Variants in CNTLN observed in about 807,000 individuals in gnomAD.
CNTLN encodes centlein.
A neutral mutation model predicts 180.0 loss-of-function variants in CNTLN; 212 were observed. The observed-to-expected ratio is 1.18, with a 90% CI of 1.05 to 1.32. The LOEUF (loss-of-function observed/expected upper bound fraction) is 1.32, where lower values mean the gene tolerates loss of function less well. Among genes scored for constraint, CNTLN ranks in the 40% most tolerant of loss-of-function variants. CNTLN has a pLI of 0.00. For missense variants in CNTLN, 2,095 were observed against 1,610.9 expected (o/e 1.30, Z -5.14); for synonymous variants, 722 against 563.1 (o/e 1.28, Z -3.99).
At chr9:17,519,770 T>A in the CNTLN span, among the ~76,000 whole-genome samples, 1 of 152,234 alleles carries the variant, frequency 6.6e-6, no homozygotes, top group Non-Finnish European at 1.5e-5. Context: ...AATTTTAACA[T>A]GCAGAGAGGA....
intron 12 of CNTLN, among the ~76,000 whole-genome samples, chr9:17,352,379 C>G (rs1180322559): frequency 7.1e-6 from 1 of 141,494 alleles, no homozygotes; most frequent in South Asian, 2.2e-4. Context: ...TCCCAATCTT[C>G]TCAAGCTAGA....
At chr9:17,250,938 T>C (rs1430632966) in intron 5 of CNTLN, among the ~76,000 whole-genome samples, 3 of 152,098 alleles carry the variant, frequency 2.0e-5, no homozygotes, top group African/African-American at 7.2e-5. Context: ...GTAGTGCATC[T>C]GAAGTGGTAA....
intron 12 of CNTLN, among the ~76,000 whole-genome samples, chr9:17,355,337 A>G (rs1042645209): frequency 2.0e-5 from 3 of 152,122 alleles, no homozygotes; most frequent in Non-Finnish European, 2.9e-5. Context: ...AGTTCTTTAC[A>G]TATTCTAGAT....
At chr9:17,322,598 T>C (rs1819993551) in intron 8 of CNTLN, among the ~76,000 whole-genome samples, 1 of 152,026 alleles carries the variant, frequency 6.6e-6, no homozygotes, top group Admixed American at 6.5e-5. Flanking sequence ...GTAATAAAAC[T>C]TAAGAATGTT....
rs1437482053 is a variant in CNTLN, at chr9:17,295,987, AGAGAGAGAGAGTGTGTGTGTGT to A, written c.984-2201_984-2180del. 3.7e-3 allele frequency among the ~76,000 whole-genome samples: 458 copies of A among 123,896 alleles called. 3 individuals are homozygous for A. Among genetic ancestry groups the A allele is most frequent in the African/African-American group, 0.014 (432 of 30,680 alleles). 81.3% of individuals were successfully genotyped at this position (123,896 alleles called of 152,430 possible). Reference sequence around the variant, plus strand: ...TCTTCAGTGAGAGAGAGAGAGAGAGAGAGAGAGAGAGTGTGTGTGTGTGTGTGTGTGTGTGTGTGTGTGTGTG... The same window carrying A: ...TCTTCAGTGAGAGAGAGAGAGAGAGAGTGTGTGTGTGTGTGTGTGTGTGTG... On this transcript the variant is annotated intron_variant, in intron 6 of 25. Transcript: ENST00000380647.
chr9:17,472,779 C>T (rs1005198723), intron 23 of CNTLN, among the ~76,000 whole-genome samples: 8 of 152,160 alleles, frequency 5.3e-5, no homozygotes, highest in South Asian at 4.2e-4. Context: ...CTTGTCATTA[C>T]GCATAACTGA....
chr9:17,419,130 T>G (rs1442515), intron 18 of CNTLN, among the ~76,000 whole-genome samples: 114,743 of 151,842 alleles, frequency 0.76, 47,183 homozygotes, highest in Non-Finnish European at 0.93. Flanking sequence ...TGTTTGTTTG[T>G]TTTTTTTACA....
chr9:17,459,438 G>A (rs1470696932), intron 19 of CNTLN, among the ~76,000 whole-genome samples: 2 of 151,836 alleles, frequency 1.3e-5, no homozygotes, highest in Admixed American at 1.3e-4. Context: ...TGACCAAACT[G>A]TATAGGGACA....
intron 5 of CNTLN, among the ~76,000 whole-genome samples, chr9:17,267,121 T>G (rs1421494560): frequency 1.3e-5 from 2 of 152,146 alleles, no homozygotes; most frequent in African/African-American, 2.4e-5. Flanking sequence ...TTGATGCAGT[T>G]TCTTCCTATC....
chr9:17,387,822 A>T (rs1825795921), intron 13 of CNTLN, among the ~76,000 whole-genome samples: 1 of 152,094 alleles, frequency 6.6e-6, no homozygotes, highest in Non-Finnish European at 1.5e-5. Context: ...GACTGTGTAG[A>T]TAAAAAGGTA....
chr9:17,370,770 T>A (rs1435128451), intron 13 of CNTLN, among the ~76,000 whole-genome samples: 1 of 151,172 alleles, frequency 6.6e-6, no homozygotes, highest in Non-Finnish European at 1.5e-5. Context: ...TAATAAGATA[T>A]AAACAACAAA....
At chr9:17,453,633 A>G (rs1279123675) in intron 18 of CNTLN, among the ~76,000 whole-genome samples, 1 of 152,156 alleles carries the variant, frequency 6.6e-6, no homozygotes, top group East Asian at 1.9e-4. Flanking sequence ...GATACAGCCT[A>G]GTGGGGTGCT....
intron 18 of CNTLN, among the ~76,000 whole-genome samples, chr9:17,422,560 A>C (rs570416536): frequency 6.6e-6 from 1 of 152,242 alleles, no homozygotes; most frequent in East Asian, 1.9e-4. Flanking sequence ...ATTGGTTTTT[A>C]AAAATTATTT....
chr9:17,279,362 A>C (rs1828517038), intron 6 of CNTLN, among the ~76,000 whole-genome samples: 1 of 152,094 alleles, frequency 6.6e-6, no homozygotes. Context: ...GCCCATTTTT[A>C]CCAGGGCCTT....
intron 4 of CNTLN, 39 bp downstream of exon 4, chr9:17,235,831 T>A: frequency 6.4e-7 from 1 of 1,559,774 alleles, no homozygotes; most frequent in East Asian, 2.3e-5. Flanking sequence ...GACTGTTGCT[T>A]TGAAGTTCTG....
chr9:17,385,449 A>G (rs1478691204), intron 13 of CNTLN, among the ~76,000 whole-genome samples: 3 of 152,172 alleles, frequency 2.0e-5, no homozygotes, highest in African/African-American at 7.2e-5. Context: ...GGGGCTCACC[A>G]GGAATCATCT....
intron 2 of CNTLN, among the ~76,000 whole-genome samples, chr9:17,204,949 C>A (rs1822812679): frequency 6.6e-6 from 1 of 152,156 alleles, no homozygotes; most frequent in South Asian, 2.1e-4. Context: ...GTGGTGAATT[C>A]CGTCCGGGCC....
intron 2 of CNTLN, among the ~76,000 whole-genome samples, chr9:17,144,968 A>G (rs1375650397): frequency 6.6e-6 from 1 of 150,902 alleles, no homozygotes; most frequent in Non-Finnish European, 1.5e-5. Flanking sequence ...CAGCCTCCCG[A>G]GTAGCTGGGA....
chr9:17,513,083 T>G, the CNTLN span, among the ~76,000 whole-genome samples: 1 of 152,142 alleles, frequency 6.6e-6, no homozygotes, highest in African/African-American at 2.4e-5. Flanking sequence ...CCTCCCAAAG[T>G]GCTGGGATTA....
Sources: gnomAD v4.1 joint callset for allele counts (sites outside exome capture counted in the v4.1 genomes callset) on GRCh38, gnomAD v4.1.1 for gene constraint, MANE v1.5 for transcripts, NCBI Gene and HGNC (gene_info 2026-07-23, HGNC 2026-07-21) for gene names.